Variants in GRM7 observed in about 807,000 individuals in gnomAD.
GRM7 encodes glutamate metabotropic receptor 7.
A neutral mutation model predicts 84.5 loss-of-function variants in GRM7; 35 were observed. The observed-to-expected ratio is 0.41, with a 90% confidence interval of 0.32 to 0.55. The LOEUF is 0.55. Ranked by LOEUF, GRM7 falls within the 20% of genes least tolerant of loss-of-function variation. The probability of loss-of-function intolerance (pLI) is 0.19; values close to 1 mark genes in which losing one functional copy is unlikely to be tolerated. For synonymous variants in GRM7, 487 were observed against 455.1 expected (o/e 1.07, Z -0.89); for missense variants, 1,003 against 1,194.6 (o/e 0.84, Z 2.36).
chr3:7,416,504 CT>C (rs1696166165), intron 5 of GRM7, among the ~76,000 whole-genome samples: 1 of 152,132 alleles, frequency 6.6e-6, no homozygotes, highest in Non-Finnish European at 1.5e-5. Flanking sequence ...CAACCATCAT[CT>C]GTTAATCAGG....
rs1695166304 is a variant in GRM7 at position 7,176,803 on chromosome 3, A to T, written c.736+30135A>T. Reference sequence around the variant, plus strand: ...CTATCTTGACTGAGGTCCACACCTCAACTATTATTATAGCCAGAAAACTCA... The same window carrying T: ...CTATCTTGACTGAGGTCCACACCTCTACTATTATTATAGCCAGAAAACTCA... On this transcript the variant is annotated intron_variant, in intron 2 of 9. Transcript: ENST00000357716. Among the ~76,000 whole-genome samples, 5 of 152,334 alleles carry T rather than the reference A, an allele frequency of 3.3e-5. No individual in the cohort carries two copies. The South Asian group carries it at 1.0e-3, about 32-fold the overall frequency.
intron 4 of GRM7, among the ~76,000 whole-genome samples, chr3:7,380,286 G>GTT (rs1431753102): frequency 6.6e-6 from 1 of 152,180 alleles, no homozygotes; most frequent in Non-Finnish European, 1.5e-5. Context: ...GAATATCTGT[G>GTT]TTATTAAGGC....
At chr3:6,984,687 GT>G (rs200149316) in intron 1 of GRM7, among the ~76,000 whole-genome samples, 24 of 151,016 alleles carry the variant, frequency 1.6e-4, no homozygotes, top group Non-Finnish European at 3.0e-4. Context: ...CACCCTGAAT[GT>G]TTTTTTTTAG....
At chr3:7,009,571 T>C (rs338082) in intron 1 of GRM7, among the ~76,000 whole-genome samples, 147,468 of 152,304 alleles carry the variant, frequency 0.97, 71,481 homozygotes, top group Middle Eastern at 0.99. Flanking sequence ...TTTCAAAATA[T>C]AGATAGAAAG....
intron 2 of GRM7, among the ~76,000 whole-genome samples, chr3:7,227,264 G>A (rs1229756086): frequency 6.6e-6 from 1 of 152,126 alleles, no homozygotes; most frequent in East Asian, 1.9e-4. Flanking sequence ...ATTGCAAGAA[G>A]TTCATAGTTT....
intron 7 of GRM7, among the ~76,000 whole-genome samples, chr3:7,531,594 A>G (rs534249641): frequency 1.3e-5 from 2 of 152,230 alleles, no homozygotes; most frequent in South Asian, 2.1e-4. Flanking sequence ...GAGTTCACTC[A>G]TGATTTGGCT....
Position 7,229,720 on chromosome 3 carries a change from CACACACATATATATATATATATAT to C in GRM7, c.737-68962_737-68939del, listed in dbSNP as rs1474363683. Reference sequence around the variant, plus strand: ...CTTCCCCAACCCCGCTCTCCATAGACACACACATATATATATATATATATATATATATATATATATTTTTTTTTT... The same window carrying C: ...CTTCCCCAACCCCGCTCTCCATAGACATATATATATATATATTTTTTTTTT... On this transcript the variant is annotated intron_variant, in intron 2 of 9. Transcript: ENST00000357716. Among the ~76,000 whole-genome samples the C allele has an allele frequency of 5.3e-3, 76 of 14,252 alleles. 4 individuals are homozygous for C. The highest frequency in any genetic ancestry group is 6.9e-3 in the Non-Finnish European group (63 of 9,150). 9.3% of individuals were successfully genotyped at this position (14,252 alleles called of 152,430 possible).
At chr3:6,959,027 T>G (rs974087446) in intron 1 of GRM7, among the ~76,000 whole-genome samples, 2 of 152,210 alleles carry the variant, frequency 1.3e-5, no homozygotes. Context: ...AGGCGTCATT[T>G]GATTAAAGTG....
chr3:7,231,245 C>G (rs1697188339), intron 2 of GRM7, among the ~76,000 whole-genome samples: 1 of 152,064 alleles, frequency 6.6e-6, no homozygotes, highest in African/African-American at 2.4e-5. Flanking sequence ...TCCCGTTGTA[C>G]ATAGAACCCA....
chr3:7,717,462 G>C (rs1233383433), intron 9 of GRM7, among the ~76,000 whole-genome samples: 1 of 152,154 alleles, frequency 6.6e-6, no homozygotes, highest in African/African-American at 2.4e-5. Context: ...CAGCCATCCT[G>C]CCACAGGGCT....
chr3:6,916,739 A>G (rs1378759618), intron 1 of GRM7, among the ~76,000 whole-genome samples: 1 of 152,190 alleles, frequency 6.6e-6, no homozygotes, highest in East Asian at 1.9e-4. Flanking sequence ...CGATTTCGAC[A>G]TATAAATCTT....
At chr3:7,601,555 A>T (rs1696313746) in intron 8 of GRM7, among the ~76,000 whole-genome samples, 1 of 152,172 alleles carries the variant, frequency 6.6e-6, no homozygotes, top group Admixed American at 6.6e-5. Flanking sequence ...AATGCTTAGA[A>T]GAAAAGATGC....
At chr3:7,076,858 C>G (rs1159848431) in intron 1 of GRM7, among the ~76,000 whole-genome samples, 1 of 152,084 alleles carries the variant, frequency 6.6e-6, no homozygotes, top group Non-Finnish European at 1.5e-5. Flanking sequence ...TATCCAGAAT[C>G]TACAAGGAAC....
chr3:7,261,902 C>CTCCCTCCCTCCCTTCCTCCCTCCCTTCCT (rs1698439711), intron 2 of GRM7, among the ~76,000 whole-genome samples: 6 of 82,852 alleles, frequency 7.2e-5, no homozygotes, highest in Non-Finnish European at 1.3e-4. Flanking sequence ...CCCTCCCTCC[C>CTCCCTCCCTCCCTTCCTCCCTCCCTTCCT]TCCCTCCCTC....
At chr3:6,936,214 T>C (rs1007731546) in intron 1 of GRM7, among the ~76,000 whole-genome samples, 6 of 152,162 alleles carry the variant, frequency 3.9e-5, no homozygotes, top group Non-Finnish European at 8.8e-5. Flanking sequence ...ACAACTCCCA[T>C]AGCTGGCTTC....
intron 5 of GRM7, among the ~76,000 whole-genome samples, chr3:7,430,402 G>C (rs920189309): frequency 3.9e-5 from 6 of 152,156 alleles, no homozygotes; most frequent in South Asian, 4.1e-4. Context: ...TAATTCACCA[G>C]AGAAATCCAA....
intron 5 of GRM7, among the ~76,000 whole-genome samples, chr3:7,435,478 A>G (rs970126957): frequency 2.0e-5 from 3 of 151,208 alleles, no homozygotes; most frequent in Non-Finnish European, 4.4e-5. Context: ...TTCTTTCTTT[A>G]CTTCTTGATT....
At chr3:7,685,618 G>A (rs1219846875) in intron 9 of GRM7, among the ~76,000 whole-genome samples, 1 of 152,046 alleles carries the variant, frequency 6.6e-6, no homozygotes, top group African/African-American at 2.4e-5. Flanking sequence ...ATAACAATTT[G>A]TACCTGAAAT....
rs1458256091 is a variant in GRM7 at position 7,410,578 on chromosome 3, AC to A, written c.1034-4444del. On this transcript the variant is annotated intron_variant, in intron 4 of 9. Coordinates refer to ENST00000357716, the MANE Select transcript of GRM7 (RefSeq NM_000844.4). Reference sequence around the variant, plus strand: ...CAGAGAAAGACCCTGTCTCAAAAAAACAAAATATATATATATATATACACAC... The same window carrying A: ...CAGAGAAAGACCCTGTCTCAAAAAAAAAAATATATATATATATATACACAC... 7.8e-5 allele frequency among the ~76,000 whole-genome samples: 10 copies of A among 128,048 alleles called. No homozygotes were observed. In the South Asian group the frequency reaches 7.9e-4, roughly 10 times the overall value. 84.0% of individuals were successfully genotyped at this position (128,048 alleles called of 152,430 possible). A position where few individuals can be genotyped will look rare whatever the true frequency, so the allele number is the denominator to read the frequency against.
Sources: gnomAD v4.1 joint callset for allele counts (sites outside exome capture counted in the v4.1 genomes callset) on GRCh38, gnomAD v4.1.1 for gene constraint, MANE v1.5 for transcripts, NCBI Gene and HGNC (gene_info 2026-07-23, HGNC 2026-07-21) for gene names.